The following RCCD1 variants were observed in gnomAD, a reference collection of about 807,000 sequenced individuals.
The protein encoded by RCCD1 is RCC1 domain-containing protein 1.
A neutral mutation model predicts 37.6 loss-of-function variants in RCCD1; 40 were observed. That is an observed-to-expected ratio of 1.06 (90% CI 0.83 to 1.39). RCCD1 has a LOEUF of 1.39. RCCD1 is among the 40% of genes most tolerant of loss of function. RCCD1 has a pLI of 0.00. For missense variants in RCCD1, 577 were observed against 517.3 expected, an observed-to-expected ratio of 1.12 and a Z score of -1.12; for synonymous variants, 263 against 230.0, an observed-to-expected ratio of 1.14 and a Z score of -1.30.
In RCCD1 at chr15:90,960,389, C is replaced by T. The variant is rs2037289981; in HGVS notation, c.840C>T (p.Ala280=). ...VKRTGGAEDG[A]PAPFIAVQPF... is the part of the protein sequence containing the mutation. Reference sequence around the variant, plus strand: ...GAACGGGTGGGGCTGAGGATGGAGCCCCTGCCCCCTTCATAGCTGTCCAGC... The same window carrying T: ...GAACGGGTGGGGCTGAGGATGGAGCTCCTGCCCCCTTCATAGCTGTCCAGC... The change falls in exon 6 of 8, where the codon GCC becomes GCT. Residue 280 remains alanine (A), a synonymous_variant. Coordinates refer to ENST00000394258, the MANE Select transcript of RCCD1 (RefSeq NM_001017919.2). 2.5e-6 allele frequency: 4 copies of T among 1,613,654 alleles called. No individual in the cohort carries two copies. Among genetic ancestry groups the T allele is most frequent in the African/African-American group, 2.7e-5 (2 of 74,890 alleles).
At chr15:90,960,889 G>C in intron 6 of RCCD1, 136 bp from the exon 7 acceptor site, 1 of 857,398 alleles carries the variant, frequency 1.2e-6, no homozygotes, top group Non-Finnish European at 2.0e-6. Context: ...CAGTTGTTAA[G>C]AGAATATGTT....
intron 4 of RCCD1, among the ~76,000 whole-genome samples, chr15:90,958,221 C>G (rs2037242012): frequency 6.6e-6 from 1 of 152,124 alleles, no homozygotes; most frequent in South Asian, 2.1e-4. Flanking sequence ...TAGCTCCTTC[C>G]TAGGCTGTTA....
At chr15:90,959,860 C>A in intron 4 of RCCD1, 40 bp from the exon 5 acceptor site, 1 of 1,461,890 alleles carries the variant, frequency 6.8e-7, no homozygotes, top group Non-Finnish European at 9.5e-7. Flanking sequence ...GATGCAGGGG[C>A]TTCACAGTCT....
At chr15:90,956,391 G>A (rs2151380445) in intron 1 of RCCD1, among the ~76,000 whole-genome samples, 1 of 152,356 alleles carries the variant, frequency 6.6e-6, no homozygotes, top group African/African-American at 2.4e-5. Flanking sequence ...GGTGTCGGGG[G>A]CGCTCGGATC....
At position 90,960,425 on chromosome 15, in the gene RCCD1, A is replaced by G; in HGVS notation, c.876A>G (p.Ala292=). 3.1e-6 allele frequency: 5 copies of G among 1,613,668 alleles called. No homozygotes were observed. Among genetic ancestry groups the G allele is most frequent in the Non-Finnish European group, 4.2e-6 (5 of 1,180,016 alleles). ...APFIAVQPFP[A]LLDLPMGSDA... ...TCATAGCTGTCCAGCCCTTCCCGGCATTACTGGATCTCCCCATGGGCTCAG... is the reference window on the plus strand; with the variant it reads ...TCATAGCTGTCCAGCCCTTCCCGGCGTTACTGGATCTCCCCATGGGCTCAG... Residue 292 remains alanine, a synonymous_variant, in exon 6 of 8, where the codon GCA becomes GCG. Coordinates refer to ENST00000394258, the MANE Select transcript of RCCD1 (RefSeq NM_001017919.2).
intron 6 of RCCD1, chr15:90,960,781 A>G: frequency 1.6e-6 from 1 of 635,786 alleles, no homozygotes; most frequent in Non-Finnish European, 2.8e-6. Context: ...GGGACTGTCC[A>G]GTCTGGCATG....
intron 7 of RCCD1, 175 bp downstream of exon 7, chr15:90,961,229 C>G: frequency 1.6e-6 from 1 of 632,202 alleles, no homozygotes; most frequent in South Asian, 1.9e-5. Flanking sequence ...GCGCTCAGTC[C>G]GAGGCCAGAC....
At chr15:90,958,073 C>T (rs563749028) in intron 4 of RCCD1, among the ~76,000 whole-genome samples, 1 of 152,336 alleles carries the variant, frequency 6.6e-6, no homozygotes, top group East Asian at 1.9e-4. Context: ...AGAAACGCTG[C>T]AGTTGCCTAG....
Position 90,962,030 on chromosome 15 carries a change from T to TA in RCCD1, c.*262dup, listed in dbSNP as rs2037326558. Reference sequence around the variant, plus strand: ...AGAGCTTCTAGGTGTGTGGCCTGGATAGTGGTAGATTCAAAGCTCCACCCA... The same window carrying TA: ...AGAGCTTCTAGGTGTGTGGCCTGGATAAGTGGTAGATTCAAAGCTCCACCCA... On this transcript the variant is annotated 3_prime_UTR_variant, in exon 8 of 8. Transcript: ENST00000394258. 1 of 255,096 alleles carries TA rather than the reference T, an allele frequency of 3.9e-6. No homozygotes were observed. The highest frequency in any genetic ancestry group is 7.5e-6 in the Non-Finnish European group (1 of 133,030). The allele number at this position is 255,096 out of a possible 1,614,324, so 15.8% of individuals were successfully genotyped here.
intron 5 of RCCD1, 95 bp from the exon 6 acceptor site, chr15:90,960,233 G>A (rs534199296): frequency 1.8e-5 from 23 of 1,292,954 alleles, no homozygotes; most frequent in South Asian, 4.1e-5. Flanking sequence ...CTAGGCAGTC[G>A]TGTACCTCAG....
rs2037324891 is a variant in RCCD1 at position 90,961,977 on chromosome 15, ACAATGAAAT to A, written c.*217_*225del. ...CTGCCTAAGGTCAGCATCAATCAAA[ACAATGAAAT>A]CAATGAAACAATGAAACCAGAGCTT... On this transcript the variant is annotated 3_prime_UTR_variant, in exon 8 of 8. Coordinates refer to ENST00000394258, the MANE Select transcript of RCCD1 (RefSeq NM_001017919.2). 2.6e-6 allele frequency: 1 copy of A among 386,050 alleles called. No individual in the cohort carries two copies. Among genetic ancestry groups the A allele is most frequent in the South Asian group, 6.1e-5 (1 of 16,524 alleles). The allele number at this position is 386,050 out of a possible 1,614,324, so 23.9% of individuals were successfully genotyped here.
chr15:90,960,180 C>A, intron 5 of RCCD1, 148 bp from the exon 6 acceptor site: 1 of 959,352 alleles, frequency 1.0e-6, no homozygotes, highest in Non-Finnish European at 1.5e-6. Flanking sequence ...GCAGTGCCAG[C>A]CCTGCCTGCA....
rs2037327210 is a variant in RCCD1 at position 90,962,066 on chromosome 15, G to C, written c.*297G>C. ...TCAAAGCTCCACCCACCTCATCCCAGGTACATTTGATGTGCAGCTGAGATT... is the reference window on the plus strand; with the variant it reads ...TCAAAGCTCCACCCACCTCATCCCACGTACATTTGATGTGCAGCTGAGATT... On this transcript the variant is annotated 3_prime_UTR_variant, in exon 8 of 8. Transcript: ENST00000394258. 1 of 208,880 alleles carries C rather than the reference G, an allele frequency of 4.8e-6. No homozygotes were observed. Among genetic ancestry groups the C allele is most frequent in the Non-Finnish European group, 9.6e-6 (1 of 104,084 alleles). 12.9% of individuals were successfully genotyped at this position (208,880 alleles called of 1,614,324 possible).
At chr15:90,958,402 G>A (rs949053659) in intron 4 of RCCD1, among the ~76,000 whole-genome samples, 1 of 152,120 alleles carries the variant, frequency 6.6e-6, no homozygotes, top group East Asian at 1.9e-4. Flanking sequence ...GCCGAGGTGA[G>A]TGGATCACGA....
In RCCD1 at chr15:90,959,883, C is replaced by A. The variant is rs111477163; in HGVS notation, c.680-17C>A. On this transcript the variant is annotated splice_polypyrimidine_tract_variant and intron_variant, in intron 4 of 7. Coordinates refer to ENST00000394258, the MANE Select transcript of RCCD1 (RefSeq NM_001017919.2). ...GGCTTCACAGTCTGTTTCATGTGTC[C>A]CCTTGATCTCTTTCAGAGACTGGGG... The A allele has an allele frequency of 3.4e-3, 5,437 of 1,580,392 alleles. 172 individuals carry two copies. In the African/African-American group the frequency reaches 0.065, roughly 19 times the overall value.
rs892234456 is a variant in RCCD1, at chr15:90,957,228, G to A, written c.282G>A (p.Ala94=). ...AVLRAGPGPE[A]LLQVWAAESA... ...TGCGCGCCGGGCCGGGGCCGGAGGCGTTACTGCAGGTCTGGGCGGCCGAAT... is the reference window on the plus strand; with the variant it reads ...TGCGCGCCGGGCCGGGGCCGGAGGCATTACTGCAGGTCTGGGCGGCCGAAT... The change falls in exon 3 of 8, where the codon GCG becomes GCA. Residue 94 remains alanine, a synonymous_variant. Transcript: ENST00000394258. The A allele has an allele frequency of 3.5e-6, 5 of 1,430,916 alleles. No individual in the cohort carries two copies. In the African/African-American group the frequency reaches 6.0e-5, roughly 17 times the overall value. 88.6% of individuals were successfully genotyped at this position (1,430,916 alleles called of 1,614,324 possible). A position where few individuals can be genotyped will look rare whatever the true frequency, so the allele number is the denominator to read the frequency against.
intron 1 of RCCD1, among the ~76,000 whole-genome samples, chr15:90,956,164 C>G (rs28378307): frequency 0.01 from 1,544 of 152,306 alleles, 21 homozygotes; most frequent in African/African-American, 0.032. Context: ...GCACTGCCTC[C>G]CAAACGCTCT....
chr15:90,957,661 G>A lies in RCCD1; in HGVS notation c.615G>A (p.Glu205=), dbSNP rs2037229300. 6.2e-7 allele frequency: 1 copy of A among 1,614,208 alleles called. No individual in the cohort carries two copies. Among genetic ancestry groups the A allele is most frequent in the Non-Finnish European group, 8.5e-7 (1 of 1,180,022 alleles). Residue 205 remains glutamate (E), a synonymous_variant, in exon 4 of 8, where the codon GAG becomes GAA. Coordinates refer to ENST00000394258, the MANE Select transcript of RCCD1 (RefSeq NM_001017919.2). ...LEAELEPRLL[E]ALQGLVMAEV... ...CAGAGCTGGAGCCACGGCTGTTGGA[G>A]GCGTTGCAGGGCCTAGTCATGGCTG...
At chr15:90,957,044 C>G (rs1277291057) in intron 2 of RCCD1, 69 bp from the exon 3 acceptor site, 11 of 1,297,470 alleles carry the variant, frequency 8.5e-6, no homozygotes, top group East Asian at 6.3e-5. Flanking sequence ...GACCCCTTCC[C>G]AGGAACACCC....
Sources: gnomAD v4.1 joint callset for allele counts (sites outside exome capture counted in the v4.1 genomes callset) on GRCh38, gnomAD v4.1.1 for gene constraint, MANE v1.5 for transcripts, NCBI Gene and HGNC (gene_info 2026-07-23, HGNC 2026-07-21) for gene names.